The following PDIA3 variants were observed in gnomAD, a reference collection of about 807,000 sequenced individuals.
PDIA3 encodes the protein protein disulfide isomerase family A member 3, also known as protein disulfide-isomerase A3.
PDIA3 carries 16 observed loss-of-function variants against 56.9 expected under a neutral mutation model. The ratio of observed to expected loss-of-function variants is 0.28; its 90% confidence interval spans 0.19 to 0.43. The LOEUF (loss-of-function observed/expected upper bound fraction) is 0.43. PDIA3 is among the 20% of genes least tolerant of loss of function. The probability of loss-of-function intolerance (pLI) is 1.00; values close to 1 mark genes in which losing one functional copy is unlikely to be tolerated. For missense variants in PDIA3, 485 were observed against 621.3 expected, an observed-to-expected ratio of 0.78 and a Z score of 2.33; for synonymous variants, 192 against 216.5, an observed-to-expected ratio of 0.89 and a Z score of 0.99.
intron 8 of PDIA3, 146 bp downstream of exon 8, chr15:43,767,056 A>G (rs1428621561): frequency 2.5e-6 from 2 of 787,904 alleles, no homozygotes; most frequent in South Asian, 1.7e-5. Context: ...CAATTTAAAT[A>G]TAGGTACTTT....
chr15:43,766,112 T>C, intron 7 of PDIA3, 100 bp downstream of exon 7: 1 of 728,814 alleles, frequency 1.4e-6, no homozygotes, highest in South Asian at 3.7e-5. Flanking sequence ...TGTAAAACAA[T>C]AAATGGTTCC....
intron 8 of PDIA3, among the ~76,000 whole-genome samples, chr15:43,767,713 T>G (rs2086856401): frequency 7.1e-6 from 1 of 140,302 alleles, no homozygotes. Flanking sequence ...GAGGTTGCAG[T>G]GAGCTGAGAT....
Position 43,765,500 on chromosome 15 carries a change from A to G in PDIA3, c.653A>G (p.Lys218Arg), listed in dbSNP as rs1385318352. The stretch of plus-strand genomic sequence containing the variant: ...CATCTCACTAACAAGTTTGAGGACA[A>G]GACTGTGGCATATACAGAGCAAAAA... ...PSHLTNKFEDKTVAYTEQKMT... is the reference protein window; with the variant it reads ...PSHLTNKFEDRTVAYTEQKMT... The change falls in exon 6 of 13, where the codon AAG (lysine) becomes AGG (arginine). Residue 218 changes from lysine (K) to arginine (R), a missense_variant. By Grantham distance (26) the Lys-to-Arg change is conservative. Coordinates refer to ENST00000300289, the MANE Select transcript of PDIA3 (RefSeq NM_005313.5). 6.2e-7 allele frequency: 1 copy of G among 1,613,428 alleles called. No individual in the cohort carries two copies. Among genetic ancestry groups the G allele is most frequent in the African/African-American group, 1.3e-5 (1 of 74,892 alleles).
chr15:43,747,263 C>T (rs1368109587), intron 1 of PDIA3, among the ~76,000 whole-genome samples: 2 of 152,208 alleles, frequency 1.3e-5, no homozygotes, highest in African/African-American at 2.4e-5. Context: ...TTTCTCCCTT[C>T]AGCTGATCAC....
At chr15:43,771,056 C>G (rs751180425) in intron 12 of PDIA3, 49 bp from the exon 13 acceptor site, 1 of 1,265,924 alleles carries the variant, frequency 7.9e-7, no homozygotes, top group South Asian at 1.2e-5. Flanking sequence ...TGGGGCAGAT[C>G]AGGGTTCTTT....
At chr15:43,767,975 A>T (rs888352197) in intron 8 of PDIA3, among the ~76,000 whole-genome samples, 2 of 151,992 alleles carry the variant, frequency 1.3e-5, no homozygotes, top group African/African-American at 2.4e-5. Flanking sequence ...CTAAAAAAAG[A>T]TTGAACAGTC....
At chr15:43,767,209 A>C (rs547555085) in intron 8 of PDIA3, among the ~76,000 whole-genome samples, 10 of 152,004 alleles carry the variant, frequency 6.6e-5, no homozygotes, top group African/African-American at 2.4e-4. Context: ...AAAATTAGCC[A>C]GGCACGGTGG....
intron 1 of PDIA3, chr15:43,751,704 T>A: frequency 1.5e-6 from 2 of 1,302,922 alleles, no homozygotes; most frequent in Non-Finnish European, 2.0e-6. Context: ...AGTCCCAGCC[T>A]TGCAGCTTAC....
chr15:43,770,939 G>A (rs558501939), intron 12 of PDIA3, among the ~76,000 whole-genome samples, 166 bp from the exon 13 acceptor site: 8 of 152,260 alleles, frequency 5.3e-5, no homozygotes, highest in East Asian at 1.9e-4. Flanking sequence ...GTGAGCCACC[G>A]TGCTAGGCTA....
chr15:43,755,883 C>G (rs1159738395), intron 2 of PDIA3, among the ~76,000 whole-genome samples: 1 of 149,108 alleles, frequency 6.7e-6, no homozygotes, highest in Non-Finnish European at 1.5e-5. Context: ...CATTGCACTC[C>G]AGCCTGGGCA....
intron 1 of PDIA3, among the ~76,000 whole-genome samples, chr15:43,748,324 C>T (rs377309307): frequency 2.6e-5 from 4 of 151,936 alleles, no homozygotes; most frequent in Non-Finnish European, 4.4e-5. Context: ...ACTAAAAATA[C>T]GAAATTAGCC....
At chr15:43,765,410 T>C (rs1358487435) in intron 5 of PDIA3, 40 bp from the exon 6 acceptor site, 1 of 1,111,682 alleles carries the variant, frequency 9.0e-7, no homozygotes, top group East Asian at 2.3e-5. Flanking sequence ...ACAGTTCTTC[T>C]GCTATCTGCC....
At chr15:43,767,214 C>T (rs539642746) in intron 8 of PDIA3, among the ~76,000 whole-genome samples, 2 of 151,752 alleles carry the variant, frequency 1.3e-5, no homozygotes, top group East Asian at 3.9e-4. Flanking sequence ...TAGCCAGGCA[C>T]GGTGGTGCAT....
At chr15:43,753,006 A>G in intron 1 of PDIA3, 1 of 392,660 alleles carries the variant, frequency 2.5e-6, no homozygotes, top group South Asian at 1.8e-5. Context: ...ATGTAGCTGT[A>G]AAAATCAGGC....
At chr15:43,765,156 G>A (rs987045655) in intron 5 of PDIA3, among the ~76,000 whole-genome samples, 5 of 152,084 alleles carry the variant, frequency 3.3e-5, no homozygotes, top group African/African-American at 9.7e-5. Context: ...TGGGAGGATC[G>A]CTTGAGCCTG....
chr15:43,751,850 A>G (rs987280411), intron 1 of PDIA3: 6 of 827,116 alleles, frequency 7.3e-6, no homozygotes, highest in Non-Finnish European at 1.0e-5. Flanking sequence ...CCTAGTAACT[A>G]TTGTATGTGA....
At chr15:43,751,551 A>G in intron 1 of PDIA3, 2 of 1,290,402 alleles carry the variant, frequency 1.5e-6, no homozygotes, top group Non-Finnish European at 1.0e-6. Flanking sequence ...ATGTATGTTA[A>G]CCAACCCTGA....
At chr15:43,767,409 T>C (rs1053166172) in intron 8 of PDIA3, among the ~76,000 whole-genome samples, 1 of 152,058 alleles carries the variant, frequency 6.6e-6, no homozygotes, top group South Asian at 2.1e-4. Flanking sequence ...AGGATTATGA[T>C]CCTTAATGAA....
chr15:43,755,092 G>A (rs1427413431), intron 2 of PDIA3, among the ~76,000 whole-genome samples: 3 of 152,016 alleles, frequency 2.0e-5, no homozygotes, highest in Admixed American at 6.6e-5. Context: ...TTGACAGGCT[G>A]AGGAGGGCGG....
Sources: gnomAD v4.1 joint callset for allele counts (sites outside exome capture counted in the v4.1 genomes callset) on GRCh38, gnomAD v4.1.1 for gene constraint, MANE v1.5 for transcripts, NCBI Gene and HGNC (gene_info 2026-07-23, HGNC 2026-07-21) for gene names.